The following LILRB5 variants were observed in gnomAD, a reference collection of about 807,000 sequenced individuals.
LILRB5 encodes leukocyte immunoglobulin-like receptor subfamily B member 5.
In LILRB5, 61 loss-of-function variants were observed where a neutral mutation model predicts 68.4. That is an observed-to-expected ratio of 0.89 (90% CI 0.73 to 1.10). The LOEUF is 1.10. LILRB5 is among the 50% of genes least tolerant of loss of function. LILRB5 has a pLI of 0.00. For synonymous variants in LILRB5, 356 were observed against 315.8 expected (o/e 1.13, Z -1.35); for missense variants, 771 against 751.6 (o/e 1.03, Z -0.30).
In LILRB5 at chr19:54,256,691, C is replaced by A; in HGVS notation, c.153G>T (p.Gly51=). 1.2e-6 allele frequency: 2 copies of A among 1,614,178 alleles called. No individual in the cohort carries two copies. The highest frequency in any genetic ancestry group is 1.7e-6 in the Non-Finnish European group (2 of 1,180,002). The change falls in exon 3 of 13, where the codon GGG becomes GGT. Residue 51 remains glycine, a synonymous_variant. Transcript: ENST00000449561. ...RGKPVTLWCQ[G]PLETEEYRLD... is the part of the protein sequence containing the mutation. ...GACGGTACTCCTCAGTCTCCAGGGG[C>A]CCCTGACACCAGAGGGTCACGGGCT...
chr19:54,252,641 G>A (rs2078998068), intron 9 of LILRB5, 92 bp from the exon 10 acceptor site: 4 of 1,434,148 alleles, frequency 2.8e-6, no homozygotes, highest in Non-Finnish European at 3.9e-6. Context: ...AAACCTGGAG[G>A]CCCACTGGCA....
chr19:54,256,881 T>C, intron 2 of LILRB5, 80 bp downstream of exon 2: 1 of 1,611,176 alleles, frequency 6.2e-7, no homozygotes, highest in Non-Finnish European at 8.5e-7. Flanking sequence ...AGAACAGCTA[T>C]CTCCACCCCC....
intron 4 of LILRB5, chr19:54,255,811 A>G: frequency 1.5e-6 from 1 of 665,068 alleles, no homozygotes; most frequent in East Asian, 2.8e-5. Flanking sequence ...ATTGAGGGAC[A>G]GGAAATTGCA....
Position 54,252,361 on chromosome 19 carries a change from C to T in LILRB5, c.1576+5G>A. On this transcript the variant is annotated splice_donor_5th_base_variant and intron_variant, in intron 11 of 12. Coordinates refer to ENST00000449561, the MANE Select transcript of LILRB5 (RefSeq NM_001081442.3). ...CCCAGGTGCCCTCCGCTTCTAGTCA[C>T]TCACTGAGAATTTCCTCCTGGATGT... is the stretch of plus-strand genomic sequence containing the variant. 6.2e-7 allele frequency: 1 copy of T among 1,613,938 alleles called. No individual in the cohort carries two copies. The highest frequency in any genetic ancestry group is 1.1e-5 in the South Asian group (1 of 91,074).
At chr19:54,255,685 G>A (rs928197904) in intron 4 of LILRB5, 103 bp from the exon 5 acceptor site, 12 of 1,333,860 alleles carry the variant, frequency 9.0e-6, no homozygotes, top group Non-Finnish European at 1.0e-5. Flanking sequence ...TGTCTCTCAC[G>A]CTCTGTGTCT....
chr19:54,250,789 G>C lies in LILRB5; in HGVS notation c.1773C>G (p.His591Gln), dbSNP rs775372310. The change falls in exon 13 of 13, where the codon CAC (histidine) becomes CAG (glutamine). Residue 591 changes from histidine to glutamine, a missense_variant. His to Gln is a conservative substitution (Grantham distance 24, BLOSUM62 0). Transcript: ENST00000449561. ...EPSIYAPLAI[H>Q] ...TGAGATCTGGGTCCCCCGTGGGCTA[G>C]TGGATGGCCAGGGGGGCGTAGATGC... 9 of 1,613,972 alleles carry C rather than the reference G, an allele frequency of 5.6e-6. No individual in the cohort carries two copies. The East Asian group carries it at 2.0e-4, about 36-fold the overall frequency.
In LILRB5 at chr19:54,255,272, G is replaced by T. The variant is rs761979800; in HGVS notation, c.952+14C>A. 27 of 1,611,446 alleles carry T rather than the reference G, an allele frequency of 1.7e-5. No individual in the cohort carries two copies. The East Asian group carries it at 4.2e-4, about 25-fold the overall frequency. On this transcript the variant is annotated intron_variant, in intron 5 of 12. Coordinates refer to ENST00000449561, the MANE Select transcript of LILRB5 (RefSeq NM_001081442.3). ...AGAGCCTGGGTCCCTGACTGAACCC[G>T]CTGGGCTCCTCACCTGCGATCAGGA...
rs45600235 is a variant in LILRB5 at position 54,252,115 on chromosome 19, C to G, written c.1577-9G>C. Reference sequence around the variant, plus strand: ...GTCCTTCACGGCAGCATCTGCTGGGCCAGAGCAAGGGGTTCATCTCCTGGG... The same window carrying G: ...GTCCTTCACGGCAGCATCTGCTGGGGCAGAGCAAGGGGTTCATCTCCTGGG... On this transcript the variant is annotated splice_polypyrimidine_tract_variant and intron_variant, in intron 11 of 12. Transcript: ENST00000449561. 144,916 of 1,613,538 alleles carry G rather than the reference C, an allele frequency of 0.09. 7,140 individuals are homozygous for G. The highest frequency in any genetic ancestry group is 0.17 in the Admixed American group (10,425 of 60,018).
chr19:54,255,714 T>C (rs2079118889), intron 4 of LILRB5, 132 bp from the exon 5 acceptor site: 1 of 1,127,880 alleles, frequency 8.9e-7, no homozygotes, highest in Non-Finnish European at 1.2e-6. Context: ...GGGGCCTCCT[T>C]CTCACCTGGG....
At position 54,254,357 on chromosome 19, in the gene LILRB5, T is replaced by G; in HGVS notation, c.1306+8A>C. 1 of 1,572,276 alleles carries G rather than the reference T, an allele frequency of 6.4e-7. No individual in the cohort carries two copies. Among genetic ancestry groups the G allele is most frequent in the Non-Finnish European group, 8.6e-7 (1 of 1,159,114 alleles). On this transcript the variant is annotated splice_region_variant and intron_variant, in intron 7 of 12. Transcript: ENST00000449561. Reference sequence around the variant, plus strand: ...CTCCCTCCGAGCCCAGAGGCCTCAGTGACTCACCAGGTGTGGGGGTGGAGC... The same window carrying G: ...CTCCCTCCGAGCCCAGAGGCCTCAGGGACTCACCAGGTGTGGGGGTGGAGC...
chr19:54,254,429 C>T lies in LILRB5; in HGVS notation c.1256-14G>A, dbSNP rs372021166. The T allele has an allele frequency of 1.1e-4, 169 of 1,578,754 alleles. No homozygotes were observed. The highest frequency in any genetic ancestry group is 1.4e-4 in the Non-Finnish European group (166 of 1,162,486). ...CCCCAGAGGGTCCTGGGAATAAGCA[C>T]AGAAAGGGAGCGAGGCGCTTTGGTG... On this transcript the variant is annotated splice_polypyrimidine_tract_variant and intron_variant, in intron 6 of 12. Transcript: ENST00000449561.
rs778037115 is a variant in LILRB5, at chr19:54,252,617, G to A, written c.1475-68C>T. On this transcript the variant is annotated intron_variant, in intron 9 of 12. Transcript: ENST00000449561. The stretch of plus-strand genomic sequence containing the variant: ...ACCAGCTGCCCTGCACACACAACTC[G>A]AGCGGAAAGAAGGAAACCTGGAGGC... The A allele has an allele frequency of 8.3e-6, 13 of 1,564,974 alleles. No individual in the cohort carries two copies. The Admixed American group carries it at 8.8e-5, about 11-fold the overall frequency.
rs199591615 is a variant in LILRB5, at chr19:54,252,515, T to C, written c.1509A>G (p.Pro503=). Residue 503 remains proline (P), a synonymous_variant, in exon 10 of 13, where the codon CCA becomes CCG. Coordinates refer to ENST00000449561, the MANE Select transcript of LILRB5 (RefSeq NM_001081442.3). ...HFYRPAGAAG[P]EPKDQGLQKR... ...TCTGCAGGCCCTGGTCCTTGGGCTCTGGCCCCGCAGCCCCTGCAGGACGGT... is the reference window on the plus strand; with the variant it reads ...TCTGCAGGCCCTGGTCCTTGGGCTCCGGCCCCGCAGCCCCTGCAGGACGGT... The C allele has an allele frequency of 4.3e-5, 69 of 1,614,146 alleles. No individual in the cohort carries two copies. The highest frequency in any genetic ancestry group is 5.3e-5 in the African/African-American group (4 of 75,040).
At chr19:54,256,435 G>A (rs1043653360) in intron 3 of LILRB5, 54 bp downstream of exon 3, 1 of 1,602,388 alleles carries the variant, frequency 6.2e-7, no homozygotes. Context: ...CCTAAGAGCC[G>A]ACCCTCTTCC....
chr19:54,254,540 A>G (rs753447980), intron 6 of LILRB5, 125 bp from the exon 7 acceptor site: 3 of 1,305,238 alleles, frequency 2.3e-6, no homozygotes, highest in Non-Finnish European at 3.2e-6. Flanking sequence ...GCATCCCAGG[A>G]GATGGGGCCA....
chr19:54,252,874 A>T lies in LILRB5; in HGVS notation c.1471T>A (p.Ser491Thr). The T allele has an allele frequency of 6.2e-7, 1 of 1,602,490 alleles. No individual in the cohort carries two copies. Among genetic ancestry groups the T allele is most frequent in the Non-Finnish European group, 8.5e-7 (1 of 1,172,776 alleles). The change falls in exon 9 of 13, where the codon TCG (serine) becomes ACG (threonine). Residue 491 changes from serine to threonine, a missense_variant. Coordinates refer to ENST00000449561, the MANE Select transcript of LILRB5 (RefSeq NM_001081442.3). ...RHRHQSKHRT[S>T]AHFYRPAGAA... ...GGTTCCCCCATTCCCTACTCACCCG[A>T]TGTCCTGTGTTTGCTCTGATGCCGA...
intron 8 of LILRB5, 37 bp downstream of exon 8, chr19:54,253,981 G>C (rs756703766): frequency 1.3e-6 from 2 of 1,567,512 alleles, no homozygotes; most frequent in African/African-American, 2.7e-5. Flanking sequence ...GCCTCCCCTG[G>C]TCTCCGCCCA....
chr19:54,250,873 G>A lies in LILRB5; in HGVS notation c.1689C>T (p.Leu563=), dbSNP rs7256245. ...VTYAQLHSLT[L]RREATEPPPS... ...GAGGAGGCTCAGTTGCCTCCCGTCT[G>A]AGGGTCAAGCTGTGCAGCTGGGCGT... Residue 563 remains leucine, a synonymous_variant, in exon 13 of 13, where the codon CTC becomes CTT. Transcript: ENST00000449561. 0.024 allele frequency: 38,401 copies of A among 1,612,344 alleles called. 1,375 individuals carry two copies. Among genetic ancestry groups the A allele is most frequent in the African/African-American group, 0.15 (11,443 of 74,266 alleles).
chr19:54,250,430 C>T lies in LILRB5; in HGVS notation c.*356G>A, dbSNP rs773600428. On this transcript the variant is annotated 3_prime_UTR_variant, in exon 13 of 13. Transcript: ENST00000449561. ...CTGTCATTGCCAAGGTCATTAATTACGTAGGTTTTATTCTTTTCTAATTCA... is the reference window on the plus strand; with the variant it reads ...CTGTCATTGCCAAGGTCATTAATTATGTAGGTTTTATTCTTTTCTAATTCA... 1.8e-5 allele frequency: 4 copies of T among 222,760 alleles called. No homozygotes were observed. Among genetic ancestry groups the T allele is most frequent in the African/African-American group, 6.9e-5 (3 of 43,560 alleles). The allele number at this position is 222,760 out of a possible 1,614,324, so 13.8% of individuals were successfully genotyped here. A position where few individuals can be genotyped will look rare whatever the true frequency, so the allele number is the denominator to read the frequency against.
Sources: allele counts gnomAD v4.1 joint callset, GRCh38; gene constraint gnomAD v4.1.1; transcripts MANE v1.5; gene names NCBI Gene and HGNC (gene_info 2026-07-23, HGNC 2026-07-21).